PCDH15: variants seen among roughly 807,000 people sequenced by gnomAD.
PCDH15 encodes protocadherin related 15, also known as protocadherin-15.
PCDH15 carries 129 observed loss-of-function variants against 178.5 expected under a neutral mutation model. The observed-to-expected ratio is 0.72, with a 90% CI of 0.63 to 0.84. The LOEUF (loss-of-function observed/expected upper bound fraction) is 0.84, where lower values mean the gene tolerates loss of function less well. Ranked by LOEUF, PCDH15 falls within the 40% of genes least tolerant of loss-of-function variation. The probability of loss-of-function intolerance (pLI) is 0.00; values close to 1 mark genes in which losing one functional copy is unlikely to be tolerated. For missense variants in PCDH15, 2,230 were observed against 2,099.9 expected (o/e 1.06, Z -1.21); for synonymous variants, 800 against 732.0 (o/e 1.09, Z -1.50).
At chr10:54,574,766 G>C (rs2090265516) in intron 2 of PCDH15, among the ~76,000 whole-genome samples, 1 of 149,572 alleles carries the variant, frequency 6.7e-6, no homozygotes, top group South Asian at 2.2e-4. Flanking sequence ...TCTAGAACTA[G>C]AAATACCATT....
chr10:55,376,797 T>C (rs992732048), intron 2 of PCDH15, among the ~76,000 whole-genome samples: 3 of 151,900 alleles, frequency 2.0e-5, no homozygotes, highest in Admixed American at 6.6e-5. Context: ...TTTGTGAAAA[T>C]GGTTTAACTA....
chr10:54,259,091 G>C (rs975813118), intron 8 of PCDH15, among the ~76,000 whole-genome samples: 1 of 152,114 alleles, frequency 6.6e-6, no homozygotes, highest in Non-Finnish European at 1.5e-5. Context: ...AGGAGATAGT[G>C]ACCTAAATTA....
At chr10:54,664,396 T>G (rs1590920258) in intron 1 of PCDH15, 106 bp from the exon 2 acceptor site, 7 of 723,206 alleles carry the variant, frequency 9.7e-6, no homozygotes, top group Non-Finnish European at 1.7e-5. Flanking sequence ...TCATAGTTAA[T>G]TACCTGTGCC....
At chr10:54,482,679 C>T (rs1171233262) in intron 3 of PCDH15, among the ~76,000 whole-genome samples, 2 of 151,740 alleles carry the variant, frequency 1.3e-5, no homozygotes, top group Non-Finnish European at 2.9e-5. Flanking sequence ...TTAACTGAAA[C>T]ACTTGTAAGG....
intron 2 of PCDH15, among the ~76,000 whole-genome samples, chr10:55,367,586 A>G (rs1845399113): frequency 6.6e-6 from 1 of 152,108 alleles, no homozygotes; most frequent in Non-Finnish European, 1.5e-5. Flanking sequence ...CTCTCAAGAA[A>G]ACAAAACAAA....
chr10:54,914,559 G>T (rs773784253), intron 2 of PCDH15, among the ~76,000 whole-genome samples: 7 of 152,084 alleles, frequency 4.6e-5, no homozygotes, highest in Non-Finnish European at 7.4e-5. Flanking sequence ...CAAAACATAT[G>T]GAATAGGGGG....
chr10:54,817,887 A>T (rs528976121), intron 3 of PCDH15, among the ~76,000 whole-genome samples: 8 of 152,028 alleles, frequency 5.3e-5, no homozygotes, highest in African/African-American at 9.7e-5. Flanking sequence ...ATATTTACAC[A>T]TATGCTAAAA....
chr10:55,158,043 G>T (rs1343558274), intron 2 of PCDH15, among the ~76,000 whole-genome samples: 1 of 139,822 alleles, frequency 7.2e-6, no homozygotes, highest in Non-Finnish European at 1.6e-5. Context: ...AAACAATTTA[G>T]ATTCAAAATC....
chr10:55,353,922 T>C (rs954512831), intron 2 of PCDH15, among the ~76,000 whole-genome samples: 1 of 152,094 alleles, frequency 6.6e-6, no homozygotes, highest in Non-Finnish European at 1.5e-5. Flanking sequence ...ATTATTTGTC[T>C]TACCTTCTTG....
intron 2 of PCDH15, among the ~76,000 whole-genome samples, chr10:54,927,865 C>G (rs2891551): frequency 1.3e-5 from 2 of 151,908 alleles, no homozygotes; most frequent in Non-Finnish European, 2.9e-5. Context: ...ACACAGCATA[C>G]CAATAGGTAT....
chr10:55,081,254 T>C (rs1416102140), intron 2 of PCDH15, among the ~76,000 whole-genome samples: 1 of 152,160 alleles, frequency 6.6e-6, no homozygotes, highest in Non-Finnish European at 1.5e-5. Flanking sequence ...CTAGTTGACG[T>C]ATGATTATCT....
At chr10:55,378,186 A>G (rs1177054692) in intron 2 of PCDH15, among the ~76,000 whole-genome samples, 4 of 152,124 alleles carry the variant, frequency 2.6e-5, no homozygotes, top group African/African-American at 9.7e-5. Context: ...CTGCACCTGT[A>G]TCCCAGAACT....
chr10:54,421,663 TATATATAC>T (rs201336327), intron 3 of PCDH15, among the ~76,000 whole-genome samples: 9 of 65,672 alleles, frequency 1.4e-4, no homozygotes, highest in African/African-American at 7.3e-4. Flanking sequence ...ATGTGTAGTG[TATATATAC>T]ATATATATAT....
intron 28 of PCDH15, among the ~76,000 whole-genome samples, chr10:53,847,038 T>C (rs1034235961): frequency 2.0e-5 from 3 of 152,020 alleles, no homozygotes; most frequent in Non-Finnish European, 4.4e-5. Flanking sequence ...AAATTAAACC[T>C]CCATTATTGT....
At chr10:55,284,988 G>C (rs868858452) in intron 1 of PCDH15, among the ~76,000 whole-genome samples, 15 of 151,470 alleles carry the variant, frequency 9.9e-5, no homozygotes, top group Non-Finnish European at 8.9e-5. Flanking sequence ...AAAAAGTAGG[G>C]GAAGTGAGAT....
chr10:54,064,436 C>G (rs1467516696), intron 18 of PCDH15, among the ~76,000 whole-genome samples: 2 of 152,170 alleles, frequency 1.3e-5, no homozygotes, highest in Non-Finnish European at 2.9e-5. Flanking sequence ...GGGCTGGTCC[C>G]CAGGCTTCAG....
chr10:55,033,574 T>C (rs929403165), intron 2 of PCDH15, among the ~76,000 whole-genome samples: 1 of 152,182 alleles, frequency 6.6e-6, no homozygotes, highest in Admixed American at 6.5e-5. Flanking sequence ...TTTGAAAACA[T>C]GTAACTTGTT....
intron 3 of PCDH15, among the ~76,000 whole-genome samples, chr10:54,488,773 T>A (rs1192734931): frequency 2.6e-5 from 4 of 151,860 alleles, no homozygotes; most frequent in Non-Finnish European, 5.9e-5. Flanking sequence ...GAAGTCATAG[T>A]TTTTGGAAAC....
intron 2 of PCDH15, among the ~76,000 whole-genome samples, chr10:54,546,950 A>G (rs2085929922): frequency 6.6e-6 from 1 of 152,190 alleles, no homozygotes; most frequent in Non-Finnish European, 1.5e-5. Flanking sequence ...CAACTGAGCT[A>G]GAGTCTTCTG....
Sources: allele counts gnomAD v4.1 joint callset (sites outside exome capture counted in the v4.1 genomes callset), GRCh38; gene constraint gnomAD v4.1.1; transcripts MANE v1.5; gene names NCBI Gene and HGNC (gene_info 2026-07-23, HGNC 2026-07-21).